RALYL: variants seen among roughly 807,000 people sequenced by gnomAD.
RALYL encodes the protein RALY RNA binding protein like, also known as RNA-binding Raly-like protein.
RALYL carries 29 observed loss-of-function variants against 35.1 expected under a neutral mutation model. The observed-to-expected ratio is 0.83, with a 90% CI of 0.61 to 1.13. The LOEUF is 1.13. RALYL is among the 50% of genes most tolerant of loss of function. RALYL has a pLI of 0.00. For missense variants in RALYL, 359 were observed against 360.4 expected (o/e 1.00, Z 0.03); for synonymous variants, 120 against 127.6 (o/e 0.94, Z 0.40).
intron 1 of RALYL, among the ~76,000 whole-genome samples, chr8:84,270,279 T>G (rs529165387): frequency 6.6e-6 from 1 of 152,300 alleles, no homozygotes; most frequent in South Asian, 2.1e-4. Context: ...GCACAAATAA[T>G]GGTCAAGGGA....
intron 1 of RALYL, among the ~76,000 whole-genome samples, chr8:84,235,043 G>A (rs1239524718): frequency 2.0e-5 from 3 of 152,052 alleles, no homozygotes; most frequent in Admixed American, 6.6e-5. Flanking sequence ...GATTACAGAC[G>A]TGAGCCACCG....
chr8:84,680,972 T>G (rs904682597), intron 2 of RALYL, among the ~76,000 whole-genome samples: 1 of 152,046 alleles, frequency 6.6e-6, no homozygotes, highest in Non-Finnish European at 1.5e-5. Flanking sequence ...TCTAGGGTTT[T>G]TATGGTTTTA....
At chr8:84,890,510 T>C (rs1414773314) in intron 8 of RALYL, among the ~76,000 whole-genome samples, 1 of 152,114 alleles carries the variant, frequency 6.6e-6, no homozygotes, top group Non-Finnish European at 1.5e-5. Flanking sequence ...ATTAATAGAG[T>C]AGTATTTTGC....
chr8:84,752,962 A>G (rs1359992078), intron 2 of RALYL, among the ~76,000 whole-genome samples: 1 of 152,140 alleles, frequency 6.6e-6, no homozygotes, highest in East Asian at 1.9e-4. Context: ...TGTGAGATGA[A>G]GGCCACTGCC....
intron 4 of RALYL, among the ~76,000 whole-genome samples, chr8:84,812,903 C>T (rs533629257): frequency 6.6e-6 from 1 of 152,166 alleles, no homozygotes; most frequent in South Asian, 2.1e-4. Context: ...ACACTGGATT[C>T]CCGCTCTCCC....
chr8:84,859,851 A>G (rs540339263), intron 5 of RALYL, among the ~76,000 whole-genome samples: 2 of 152,264 alleles, frequency 1.3e-5, no homozygotes, highest in Admixed American at 1.3e-4. Flanking sequence ...TCTCAAAAAA[A>G]CAAGAGAGAG....
intron 1 of RALYL, among the ~76,000 whole-genome samples, chr8:84,330,524 T>C (rs1007405765): frequency 3.9e-5 from 6 of 152,052 alleles, no homozygotes; most frequent in Non-Finnish European, 8.8e-5. Context: ...GATACACTCA[T>C]AAAATGGATA....
At chr8:84,911,316 A>G (rs540653593) in intron 8 of RALYL, among the ~76,000 whole-genome samples, 1 of 152,288 alleles carries the variant, frequency 6.6e-6, no homozygotes, top group Admixed American at 6.5e-5. Flanking sequence ...TATTTTCTAT[A>G]TAAGTAATAA....
intron 4 of RALYL, among the ~76,000 whole-genome samples, chr8:84,808,869 T>C (rs1465251653): frequency 6.6e-6 from 1 of 152,198 alleles, no homozygotes; most frequent in African/African-American, 2.4e-5. Context: ...CCCAGAAACT[T>C]TGCTGAATTC....
intron 2 of RALYL, among the ~76,000 whole-genome samples, chr8:84,543,479 C>A (rs2060150202): frequency 6.8e-6 from 1 of 147,530 alleles, no homozygotes; most frequent in Non-Finnish European, 1.5e-5. Flanking sequence ...ATCTGTTCCC[C>A]AAAAATCTAT....
At chr8:84,637,343 T>A (rs911657035) in intron 2 of RALYL, among the ~76,000 whole-genome samples, 5 of 151,400 alleles carry the variant, frequency 3.3e-5, no homozygotes, top group African/African-American at 1.2e-4. Flanking sequence ...GTAGAGGAAG[T>A]AGTAGTAGTA....
At chr8:84,490,336 C>A (rs1021072653) in intron 1 of RALYL, among the ~76,000 whole-genome samples, 2 of 151,904 alleles carry the variant, frequency 1.3e-5, no homozygotes, top group Non-Finnish European at 2.9e-5. Context: ...GCAAGCAAAT[C>A]CCTCAAGGGG....
At chr8:84,590,206 C>T (rs976550939) in intron 2 of RALYL, among the ~76,000 whole-genome samples, 4 of 152,316 alleles carry the variant, frequency 2.6e-5, no homozygotes, top group African/African-American at 9.6e-5. Context: ...TTGGGTTCCA[C>T]CCCGCCCATG....
chr8:84,738,437 G>A (rs533454420), intron 2 of RALYL, among the ~76,000 whole-genome samples: 2 of 152,026 alleles, frequency 1.3e-5, no homozygotes, highest in Non-Finnish European at 2.9e-5. Context: ...TTGCAGGAAT[G>A]CTAGTGGAGA....
chr8:84,320,271 G>A (rs977962175), intron 1 of RALYL, among the ~76,000 whole-genome samples: 1 of 151,978 alleles, frequency 6.6e-6, no homozygotes, highest in Non-Finnish European at 1.5e-5. Flanking sequence ...AGTACATGAT[G>A]AGGGTTCTAA....
At chr8:84,283,517 G>A (rs1013681405) in intron 1 of RALYL, among the ~76,000 whole-genome samples, 1 of 152,074 alleles carries the variant, frequency 6.6e-6, no homozygotes, top group Non-Finnish European at 1.5e-5. Flanking sequence ...CATCCATCTG[G>A]GGACCGTCAT....
At chr8:84,668,949 A>ACATACATC (rs1554771367) in intron 2 of RALYL, among the ~76,000 whole-genome samples, 1 of 150,590 alleles carries the variant, frequency 6.6e-6, no homozygotes, top group African/African-American at 2.5e-5. Context: ...GTTCAACAAC[A>ACATACATC]CATCCATCCA....
intron 1 of RALYL, among the ~76,000 whole-genome samples, chr8:84,185,996 T>G (rs1812422203): frequency 6.6e-6 from 1 of 152,210 alleles, no homozygotes; most frequent in African/African-American, 2.4e-5. Flanking sequence ...TCTGGAAAGT[T>G]GTATATATTT....
rs185965538 is a variant in RALYL at position 84,836,759 on chromosome 8, T to C, written c.366-13221T>C. Among the ~76,000 whole-genome samples the C allele has an allele frequency of 2.7e-3, 405 of 152,356 alleles. 4 individuals carry two copies. The Middle Eastern group carries it at 0.037, about 14-fold the overall frequency. ...AGGATCCTGTAGATACACCTAAGGA[T>C]ACCTCTGATTTCACCTTATCCACGG... is the stretch of plus-strand genomic sequence containing the variant. On this transcript the variant is annotated intron_variant, in intron 4 of 8. Transcript: ENST00000521268.
Sources: allele counts gnomAD v4.1 joint callset (sites outside exome capture counted in the v4.1 genomes callset), GRCh38; gene constraint gnomAD v4.1.1; transcripts MANE v1.5; gene names NCBI Gene and HGNC (gene_info 2026-07-23, HGNC 2026-07-21).